Variants in RPS6KA2 observed in about 807,000 individuals in gnomAD.
RPS6KA2 encodes the protein ribosomal protein S6 kinase alpha-2.
In RPS6KA2, 42 loss-of-function variants were observed where a neutral mutation model predicts 91.8. The observed-to-expected ratio is 0.46, with a 90% CI of 0.36 to 0.59. RPS6KA2 has a LOEUF of 0.59. RPS6KA2 is among the 20% of genes least tolerant of loss of function. RPS6KA2 has a pLI of 0.00. For missense variants in RPS6KA2, 798 were observed against 978.5 expected (o/e 0.82, Z 2.46); for synonymous variants, 414 against 393.6 (o/e 1.05, Z -0.61).
intron 2 of RPS6KA2, among the ~76,000 whole-genome samples, chr6:166,718,839 A>C (rs1790093343): frequency 6.6e-6 from 1 of 152,248 alleles, no homozygotes; most frequent in Non-Finnish European, 1.5e-5. Context: ...CACACCGAAC[A>C]GCTCTTTTGC....
chr6:166,448,731 G>A lies in RPS6KA2; in HGVS notation c.1325C>T (p.Ala442Val). The change falls in exon 14 of 21, where the codon GCC (alanine) becomes GTC (valine). Residue 442 changes from alanine (A) to valine (V), a missense_variant. Physicochemically the swap from Ala to Val is moderately conservative, Grantham distance 64 (BLOSUM62 0). Coordinates refer to ENST00000265678, the MANE Select transcript of RPS6KA2 (RefSeq NM_021135.6). The surrounding 1 kb of genome is among the most constrained non-coding windows in gnomAD (Gnocchi z 4.7). ...TCAGCAGGCCTGCCTTACCTTCACG[G>A]CATACTCGGTGTCTGTGGCTTTATG... Reference protein sequence around the residue: ...CVHKATDTEYAVKIIDKSKRD... With the variant: ...CVHKATDTEYVVKIIDKSKRD... 1 of 1,610,998 alleles carries A rather than the reference G, an allele frequency of 6.2e-7. No individual in the cohort carries two copies. The highest frequency in any genetic ancestry group is 8.5e-7 in the Non-Finnish European group (1 of 1,178,494).
At chr6:166,729,629 A>G (rs1197971841) in intron 2 of RPS6KA2, among the ~76,000 whole-genome samples, 1 of 152,208 alleles carries the variant, frequency 6.6e-6, no homozygotes, top group Non-Finnish European at 1.5e-5. Context: ...GACATAAGCC[A>G]CCACACTCAC....
chr6:166,766,824 G>C (rs756830362), intron 2 of RPS6KA2, among the ~76,000 whole-genome samples: 1 of 152,230 alleles, frequency 6.6e-6, no homozygotes, highest in African/African-American at 2.4e-5. Flanking sequence ...CAGAGGTTGC[G>C]AGGTGCTCCT....
At chr6:166,530,368 T>C (rs1309640734) in intron 3 of RPS6KA2, among the ~76,000 whole-genome samples, 1 of 152,056 alleles carries the variant, frequency 6.6e-6, no homozygotes, top group Non-Finnish European at 1.5e-5. Context: ...CACAGAATCA[T>C]TCCAACAAGC....
chr6:166,496,954 T>C (rs1781807546), intron 8 of RPS6KA2, among the ~76,000 whole-genome samples: 1 of 152,222 alleles, frequency 6.6e-6, no homozygotes. Context: ...TCCACAGGGC[T>C]ATCCCCGCTG....
chr6:166,862,408 C>T (rs1781069095), exon 1 of RPS6KA2: 3 of 1,356,106 alleles, frequency 2.2e-6, no homozygotes, highest in Non-Finnish European at 2.9e-6. Flanking sequence ...CGGGCGCCGT[C>T]CCCTCCCTGC....
In RPS6KA2 at chr6:166,603,795, C is replaced by T. The variant is rs910222414; in HGVS notation, c.99+23126G>A. Among the ~76,000 whole-genome samples, 1 of 152,148 alleles carries T rather than the reference C, an allele frequency of 6.6e-6. No individual in the cohort carries two copies. The highest frequency in any genetic ancestry group is 2.1e-4 in the South Asian group (1 of 4,824). On this transcript the variant is annotated intron_variant, in intron 1 of 20. Coordinates refer to ENST00000265678, the MANE Select transcript of RPS6KA2 (RefSeq NM_021135.6). The surrounding 1 kb of genome is among the most constrained non-coding windows in gnomAD (Gnocchi z 4.3). ...GTGGCCCAGGTGTATCAAATAAATG[C>T]CCCCGTACTGTTGTTTGCGATAACA...
Position 166,531,323 on chromosome 6 carries a change from A to G in RPS6KA2, c.217-10T>C. ...TCCTCACCAGGAACACCTTAGCAAGAGAAAACGGAACATCAGAAACCCGTA... is the reference window on the plus strand; with the variant it reads ...TCCTCACCAGGAACACCTTAGCAAGGGAAAACGGAACATCAGAAACCCGTA... On this transcript the variant is annotated splice_polypyrimidine_tract_variant and intron_variant, in intron 2 of 20. Transcript: ENST00000265678. 6.2e-7 allele frequency: 1 copy of G among 1,609,162 alleles called. No homozygotes were observed. Among genetic ancestry groups the G allele is most frequent in the Non-Finnish European group, 8.5e-7 (1 of 1,175,502 alleles).
Position 166,827,398 on chromosome 6 carries a change from T to A in RPS6KA2, c.123+30802A>T, listed in dbSNP as rs13196868. 6.5e-3 allele frequency among the ~76,000 whole-genome samples: 993 copies of A among 152,270 alleles called. 3 individuals are homozygous for A. The highest frequency in any genetic ancestry group is 0.01 in the Non-Finnish European group (701 of 68,020). ...GAACACCGTTCAGCCTTGTTATTGA[T>A]CTTGTGGCCAAGAATAATTATTGCA... On this transcript the variant is annotated intron_variant, in intron 2 of 21. Coordinates refer to the RPS6KA2 transcript ENST00000503859.
rs1031405012 is a variant in RPS6KA2, at chr6:166,515,028, C to T, written c.299-4671G>A. ...GCGAACGCCCACCCCACAGCAGCAG[C>T]CAAGGGTGCCCAAGGACCACTGGAG... On this transcript the variant is annotated intron_variant, in intron 3 of 20. Coordinates refer to ENST00000265678, the MANE Select transcript of RPS6KA2 (RefSeq NM_021135.6). Among the ~76,000 whole-genome samples, 14 of 152,226 alleles carry T rather than the reference C, an allele frequency of 9.2e-5. No homozygotes were observed. The South Asian group carries it at 2.9e-3, about 32-fold the overall frequency.
intron 2 of RPS6KA2, among the ~76,000 whole-genome samples, chr6:166,778,659 G>A (rs891123142): frequency 4.6e-5 from 7 of 152,148 alleles, no homozygotes; most frequent in Admixed American, 2.6e-4. Context: ...CCAGCTACTC[G>A]GGAGGCTGAG....
At chr6:166,692,732 A>G (rs1164423836) in intron 2 of RPS6KA2, among the ~76,000 whole-genome samples, 5 of 152,232 alleles carry the variant, frequency 3.3e-5, no homozygotes, top group Non-Finnish European at 5.9e-5. Context: ...TCTTAAAAAC[A>G]AAACCAAACA....
At chr6:166,466,574 C>A (rs1015400158) in intron 11 of RPS6KA2, among the ~76,000 whole-genome samples, 1 of 152,184 alleles carries the variant, frequency 6.6e-6, no homozygotes, top group African/African-American at 2.4e-5. Context: ...TGCAGCTCCC[C>A]CTCCCAGCCC....
At position 166,459,923 on chromosome 6, in the gene RPS6KA2, T is replaced by C. The variant is rs76997609; in HGVS notation, c.973-372A>G. ...TAAAATCATACAGGACAGCCACCAC[T>C]TGCCCCCACTGGGGACAGCAGTGAA... is the stretch of plus-strand genomic sequence containing the variant. On this transcript the variant is annotated intron_variant, in intron 11 of 20. Transcript: ENST00000265678. This position sits in a 1 kb window ranked among gnomAD's most constrained non-coding sequence, Gnocchi z 4.9. Among the ~76,000 whole-genome samples the C allele has an allele frequency of 8.5e-3, 1,302 of 152,300 alleles. 20 individuals are homozygous for C. Among genetic ancestry groups the C allele is most frequent in the African/African-American group, 0.029 (1,212 of 41,560 alleles).
At chr6:166,483,564 A>G (rs1781308670) in intron 10 of RPS6KA2, among the ~76,000 whole-genome samples, 1 of 152,274 alleles carries the variant, frequency 6.6e-6, no homozygotes, top group African/African-American at 2.4e-5. Context: ...TGTCGTGCTA[A>G]CGAAGAATGA....
intron 1 of RPS6KA2, among the ~76,000 whole-genome samples, chr6:166,590,749 A>C (rs1219295538): frequency 1.3e-5 from 2 of 152,148 alleles, no homozygotes; most frequent in Non-Finnish European, 1.5e-5. Flanking sequence ...AATAAAACTC[A>C]TTTTAAAAAA....
rs111475748 is a variant in RPS6KA2, at chr6:166,430,124, A to AT, written c.1581+328dup. On this transcript the variant is annotated intron_variant, in intron 16 of 20. Transcript: ENST00000265678. ...AGGTGTGTGCCATCATGCCCAGCTAATTTTTTTTTTGTTGTTGTTATTTTT... is the reference window on the plus strand; with the variant it reads ...AGGTGTGTGCCATCATGCCCAGCTAATTTTTTTTTTTGTTGTTGTTATTTTT... Among the ~76,000 whole-genome samples the AT allele has an allele frequency of 4.9e-3, 729 of 148,296 alleles. 9 individuals are homozygous for AT. The highest frequency in any genetic ancestry group is 0.016 in the African/African-American group (661 of 40,586).
At chr6:166,600,051 A>C (rs1368956743) in intron 1 of RPS6KA2, among the ~76,000 whole-genome samples, 1 of 152,154 alleles carries the variant, frequency 6.6e-6, no homozygotes, top group African/African-American at 2.4e-5. Flanking sequence ...TCCATAGCTG[A>C]GGCTGGAGTG....
intron 11 of RPS6KA2, among the ~76,000 whole-genome samples, chr6:166,466,798 G>GTTCACTCACTCCCTCA (rs940407654): frequency 6.6e-6 from 1 of 151,768 alleles, no homozygotes; most frequent in African/African-American, 2.4e-5. Flanking sequence ...TCATTTGCTC[G>GTTCACTCACTCCCTCA]TTCACTCACT....
Sources: allele counts gnomAD v4.1 joint callset (sites outside exome capture counted in the v4.1 genomes callset), GRCh38; gene constraint gnomAD v4.1.1; non-coding constraint Gnocchi (gnomAD v3.1); transcripts MANE v1.5; gene names NCBI Gene and HGNC (gene_info 2026-07-23, HGNC 2026-07-21).